The following RUFY2 variants were observed in gnomAD, a reference collection of about 807,000 sequenced individuals.
The protein encoded by RUFY2 is RUN and FYVE domain containing 2.
A neutral mutation model predicts 94.4 loss-of-function variants in RUFY2; 49 were observed. The observed-to-expected ratio is 0.52, with a 90% confidence interval of 0.41 to 0.66. The LOEUF (loss-of-function observed/expected upper bound fraction) is 0.66. RUFY2 is among the 30% of genes least tolerant of loss of function. The pLI is 0.00. For synonymous variants in RUFY2, 255 were observed against 235.7 expected (o/e 1.08, Z -0.75); for missense variants, 541 against 692.8 (o/e 0.78, Z 2.46).
intron 16 of RUFY2, among the ~76,000 whole-genome samples, chr10:68,353,676 G>C (rs927868148): frequency 6.6e-6 from 1 of 151,960 alleles, no homozygotes; most frequent in Non-Finnish European, 1.5e-5. Flanking sequence ...GCACGCACCT[G>C]TGGTCCCAGC....
rs371791494 is a variant in RUFY2 at position 68,392,376 on chromosome 10, C to T, written c.650+762G>A. On this transcript the variant is annotated intron_variant, in intron 7 of 17. Coordinates refer to ENST00000602465, the MANE Select transcript of RUFY2 (RefSeq NM_001330103.2). ...GAATTGCACTTTGCTATTTTACATACAGGTCTCAAAAATTCTTCTCAACAA... is the reference window on the plus strand; with the variant it reads ...GAATTGCACTTTGCTATTTTACATATAGGTCTCAAAAATTCTTCTCAACAA... 3.7e-4 allele frequency among the ~76,000 whole-genome samples: 57 copies of T among 152,238 alleles called. No individual in the cohort carries two copies. The South Asian group carries it at 0.011, about 29-fold the overall frequency.
intron 13 of RUFY2, among the ~76,000 whole-genome samples, chr10:68,368,792 T>C (rs1589845427): frequency 6.6e-6 from 1 of 152,188 alleles, no homozygotes; most frequent in Admixed American, 6.5e-5. Context: ...ATAGCTCATA[T>C]TGGGTGTTGA....
intron 11 of RUFY2, among the ~76,000 whole-genome samples, chr10:68,380,777 G>A (rs995955025): frequency 6.6e-6 from 1 of 151,980 alleles, no homozygotes; most frequent in South Asian, 2.1e-4. Flanking sequence ...CAGGAGAATC[G>A]CTTGACCCTG....
chr10:68,379,813 T>C lies in RUFY2; in HGVS notation c.1108-292A>G, dbSNP rs987975505. 9.8e-5 allele frequency among the ~76,000 whole-genome samples: 11 copies of C among 112,328 alleles called. No homozygotes were observed. The South Asian group carries it at 2.5e-3, about 26-fold the overall frequency. The allele number at this position is 112,328 out of a possible 152,430, so 73.7% of individuals were successfully genotyped here. A position where few individuals can be genotyped will look rare whatever the true frequency, so the allele number is the denominator to read the frequency against. On this transcript the variant is annotated intron_variant, in intron 11 of 17. Coordinates refer to ENST00000602465, the MANE Select transcript of RUFY2 (RefSeq NM_001330103.2). ...TGATATAAAGCAGTGCTATTAGTCA[T>C]TTTTTTTTTTTTTTGAGACAGTCTC... is the stretch of plus-strand genomic sequence containing the variant.
At chr10:68,391,247 T>C (rs2049961263) in intron 7 of RUFY2, among the ~76,000 whole-genome samples, 1 of 152,110 alleles carries the variant, frequency 6.6e-6, no homozygotes. Context: ...CTAATTTTTA[T>C]ATTGATTGCA....
At chr10:68,369,668 T>C (rs2048117228) in intron 13 of RUFY2, among the ~76,000 whole-genome samples, 1 of 152,114 alleles carries the variant, frequency 6.6e-6, no homozygotes, top group African/African-American at 2.4e-5. Context: ...ACACCTGTAA[T>C]CCAAGCACTT....
intron 8 of RUFY2, among the ~76,000 whole-genome samples, chr10:68,385,571 T>C (rs2049433027): frequency 6.6e-6 from 1 of 152,140 alleles, no homozygotes; most frequent in African/African-American, 2.4e-5. Context: ...AGGGACGGTA[T>C]CATTTTAACA....
intron 13 of RUFY2, among the ~76,000 whole-genome samples, chr10:68,370,209 G>A (rs181570115): frequency 1.2e-3 from 185 of 152,042 alleles, no homozygotes; most frequent in Middle Eastern, 6.8e-3. Context: ...CGCTAGAACC[G>A]GGGAGGCAGA....
chr10:68,357,335 T>C (rs561613888), intron 15 of RUFY2, among the ~76,000 whole-genome samples: 1 of 151,662 alleles, frequency 6.6e-6, no homozygotes, highest in East Asian at 2.0e-4. Flanking sequence ...TTCAAGCGAT[T>C]CTCCTGCCTC....
At chr10:68,373,851 T>C (rs1009370005) in intron 13 of RUFY2, among the ~76,000 whole-genome samples, 4 of 152,156 alleles carry the variant, frequency 2.6e-5, no homozygotes, top group Non-Finnish European at 4.4e-5. Flanking sequence ...CAGTGGCTCA[T>C]GCCTGTAATT....
At chr10:68,378,571 T>C in intron 12 of RUFY2, 2 of 1,591,264 alleles carry the variant, frequency 1.3e-6, no homozygotes, top group South Asian at 2.3e-5. Context: ...TTCAGAAAGA[T>C]ATATCTTTAA....
intron 13 of RUFY2, among the ~76,000 whole-genome samples, chr10:68,376,444 A>ATG (rs2048655162): frequency 2.0e-3 from 12 of 5,958 alleles, no homozygotes; most frequent in Admixed American, 3.3e-3. Context: ...AAATGTGTGT[A>ATG]TATATATATA....
chr10:68,387,174 T>C (rs2049566415), intron 7 of RUFY2, among the ~76,000 whole-genome samples: 6 of 152,172 alleles, frequency 3.9e-5, no homozygotes, highest in African/African-American at 1.4e-4. Flanking sequence ...CTGGCCAACA[T>C]GGTGAAACCT....
chr10:68,393,588 G>A (rs571910150), intron 6 of RUFY2, among the ~76,000 whole-genome samples: 1 of 152,138 alleles, frequency 6.6e-6, no homozygotes, highest in South Asian at 2.1e-4. Flanking sequence ...AATTAGCCAG[G>A]CATGGTGGCG....
chr10:68,366,821 G>T (rs2047875986), intron 13 of RUFY2, among the ~76,000 whole-genome samples: 1 of 129,552 alleles, frequency 7.7e-6, no homozygotes, highest in Admixed American at 8.6e-5. Context: ...AATGTTATAT[G>T]GTATATATTA....
Position 68,345,709 on chromosome 10 carries a change from T to TACAA in RUFY2, c.*55_*58dup. 1 of 1,525,756 alleles carries TACAA rather than the reference T, an allele frequency of 6.6e-7. No individual in the cohort carries two copies. The highest frequency in any genetic ancestry group is 9.0e-7 in the Non-Finnish European group (1 of 1,114,174). The allele number at this position is 1,525,756 out of a possible 1,614,324, so 94.5% of individuals were successfully genotyped here. Reference sequence around the variant, plus strand: ...GGAGAGCTGTCTGGTTACCTTTGTATACAACATCATAACATTCATTGTAGG... The same window carrying TACAA: ...GGAGAGCTGTCTGGTTACCTTTGTATACAAACAACATCATAACATTCATTGTAGG... On this transcript the variant is annotated 3_prime_UTR_variant, in exon 18 of 18. Transcript: ENST00000602465.
chr10:68,355,394 G>C lies in RUFY2; in HGVS notation c.1558C>G (p.Leu520Val), dbSNP rs774228571. The C allele has an allele frequency of 1.2e-6, 2 of 1,606,608 alleles. No homozygotes were observed. The highest frequency in any genetic ancestry group is 1.3e-5 in the African/African-American group (1 of 74,706). ...GCTTCTTTTATGTCTTCAATTTTAA[G>C]TTTTGATCTAAAAAGATTACAAATA... ...ELGNKLSESK[L>V]KIEDIKEANK... The change falls in exon 16 of 18, where the codon CTT becomes GTT. Residue 520 changes from leucine (L) to valine (V), a missense_variant. Physicochemically the swap from Leu to Val is conservative, Grantham distance 32. Around this residue, in one of 3 missense-constraint regions of RUFY2, gnomAD observed 403 missense variants for 480.7 expected, o/e 0.84. Coordinates refer to ENST00000602465, the MANE Select transcript of RUFY2 (RefSeq NM_001330103.2).
At chr10:68,389,573 G>A (rs2049820918) in intron 7 of RUFY2, among the ~76,000 whole-genome samples, 1 of 151,328 alleles carries the variant, frequency 6.6e-6, no homozygotes, top group African/African-American at 2.4e-5. Context: ...CTGGGTGAAA[G>A]AGCGAAACTC....
intron 15 of RUFY2, among the ~76,000 whole-genome samples, chr10:68,359,190 T>A (rs1212899266): frequency 6.6e-6 from 1 of 151,686 alleles, no homozygotes; most frequent in Non-Finnish European, 1.5e-5. Flanking sequence ...ACTAGCCTGA[T>A]CAACATGGTG....
Sources: allele counts gnomAD v4.1 joint callset (sites outside exome capture counted in the v4.1 genomes callset), GRCh38; gene constraint gnomAD v4.1.1; regional missense constraint gnomAD v4.1.1; transcripts MANE v1.5; gene names NCBI Gene and HGNC (gene_info 2026-07-23, HGNC 2026-07-21).